PCDH15: variants seen among roughly 807,000 people sequenced by gnomAD.
The protein encoded by PCDH15 is protocadherin related 15.
A neutral mutation model predicts 178.5 loss-of-function variants in PCDH15; 129 were observed. The ratio of observed to expected loss-of-function variants is 0.72; its 90% confidence interval spans 0.63 to 0.84. PCDH15 has a LOEUF of 0.84. Among genes scored for constraint, PCDH15 ranks in the 40% least tolerant of loss-of-function variants. PCDH15 has a pLI of 0.00. For missense variants in PCDH15, 2,230 were observed against 2,099.9 expected (o/e 1.06, Z -1.21); for synonymous variants, 800 against 732.0 (o/e 1.09, Z -1.50).
intron 2 of PCDH15, among the ~76,000 whole-genome samples, chr10:54,955,267 A>G (rs1838454220): frequency 6.6e-6 from 1 of 151,338 alleles, no homozygotes; most frequent in Admixed American, 6.6e-5. Flanking sequence ...ATTTATAGAA[A>G]TAAGAGGAAA....
At chr10:54,149,066 G>A (rs530661336) in intron 14 of PCDH15, among the ~76,000 whole-genome samples, 13 of 152,052 alleles carry the variant, frequency 8.5e-5, no homozygotes, top group African/African-American at 3.1e-4. Context: ...CTATAAACAA[G>A]AAGCTATTTC....
intron 3 of PCDH15, among the ~76,000 whole-genome samples, chr10:54,511,165 C>T (rs1310676069): frequency 6.6e-6 from 1 of 151,968 alleles, no homozygotes; most frequent in African/African-American, 2.4e-5. Flanking sequence ...AATTTTTTTC[C>T]TGTTAAAATT....
At chr10:54,896,033 C>T (rs67923548) in intron 3 of PCDH15, among the ~76,000 whole-genome samples, 34,185 of 151,722 alleles carry the variant, frequency 0.23, 4,543 homozygotes, top group Non-Finnish European at 0.31. Flanking sequence ...ACTAGAGGTG[C>T]GTGTCACCAC....
At chr10:53,950,459 T>C (rs1446805763) in intron 23 of PCDH15, among the ~76,000 whole-genome samples, 3 of 152,150 alleles carry the variant, frequency 2.0e-5, no homozygotes, top group Non-Finnish European at 4.4e-5. Context: ...GGCCTACCTA[T>C]ATAGGTGGCA....
At chr10:54,598,488 C>A (rs147779755) in intron 2 of PCDH15, among the ~76,000 whole-genome samples, 1 of 152,046 alleles carries the variant, frequency 6.6e-6, no homozygotes, top group East Asian at 1.9e-4. Context: ...ATAATAAGAG[C>A]CATATATTGC....
intron 1 of PCDH15, among the ~76,000 whole-genome samples, chr10:54,693,932 T>A (rs1047581917): frequency 6.6e-6 from 1 of 152,070 alleles, no homozygotes; most frequent in Non-Finnish European, 1.5e-5. Context: ...TCTTTTTTTC[T>A]CAACGAAGTA....
intron 26 of PCDH15, among the ~76,000 whole-genome samples, chr10:53,898,335 A>C (rs10763025): frequency 0.64 from 97,206 of 152,048 alleles, 32,264 homozygotes; most frequent in East Asian, 0.87. Flanking sequence ...GTACAAATAC[A>C]TGATCAAGTC....
intron 3 of PCDH15, among the ~76,000 whole-genome samples, chr10:54,891,750 A>G (rs1954465976): frequency 6.6e-6 from 1 of 152,146 alleles, no homozygotes; most frequent in African/African-American, 2.4e-5. Flanking sequence ...GAATTTAGCT[A>G]ATAAGTGGAC....
At chr10:55,588,813 A>C (rs7915291) in intron 2 of PCDH15, among the ~76,000 whole-genome samples, 45,455 of 151,914 alleles carry the variant, frequency 0.3, 7,192 homozygotes, top group East Asian at 0.44. Context: ...AAGGCAAGGA[A>C]CCTCACACCT....
intron 2 of PCDH15, among the ~76,000 whole-genome samples, chr10:54,954,996 A>G (rs1226298829): frequency 6.6e-6 from 1 of 151,306 alleles, no homozygotes; most frequent in Non-Finnish European, 1.5e-5. Flanking sequence ...TAGTTCATAA[A>G]AACCATACAA....
intron 21 of PCDH15, among the ~76,000 whole-genome samples, chr10:53,990,448 T>C (rs1317952753): frequency 6.6e-6 from 1 of 150,640 alleles, no homozygotes; most frequent in African/African-American, 2.4e-5. Flanking sequence ...CATAAATCAG[T>C]ATTAAAGCCT....
intron 1 of PCDH15, among the ~76,000 whole-genome samples, chr10:55,175,183 C>T (rs1018809374): frequency 3.9e-5 from 6 of 152,056 alleles, no homozygotes; most frequent in Non-Finnish European, 8.8e-5. Flanking sequence ...ATGTGCATAG[C>T]GGAGGGCTTA....
chr10:54,694,851 G>C (rs566195907), intron 1 of PCDH15, among the ~76,000 whole-genome samples: 5 of 152,012 alleles, frequency 3.3e-5, no homozygotes, highest in East Asian at 1.9e-4. Flanking sequence ...GGAGTCCCAG[G>C]CCTCTCATTT....
At position 54,730,333 on chromosome 10, in the gene PCDH15, A is replaced by T. The variant is rs146363971; in HGVS notation, c.-28-66043T>A. On this transcript the variant is annotated intron_variant, in intron 1 of 37. Transcript: ENST00000644397. ...AAATGCCATATATTCTCACCTATAC[A>T]TGGGAGCTAAACATTGAGTACACAT... Among the ~76,000 whole-genome samples the T allele has an allele frequency of 4.5e-3, 690 of 151,678 alleles. 8 individuals are homozygous for T. Among genetic ancestry groups the T allele is most frequent in the African/African-American group, 0.015 (636 of 41,514 alleles).
chr10:54,125,906 A>T (rs1042076375), intron 15 of PCDH15, among the ~76,000 whole-genome samples: 1 of 152,060 alleles, frequency 6.6e-6, no homozygotes, highest in Non-Finnish European at 1.5e-5. Context: ...TAAAATAATA[A>T]AGTGGAATTT....
chr10:55,410,436 C>T (rs1391965002), intron 2 of PCDH15, among the ~76,000 whole-genome samples: 1 of 152,016 alleles, frequency 6.6e-6, no homozygotes, highest in Non-Finnish European at 1.5e-5. Context: ...CTCTGGAGTT[C>T]CTGAGACTGG....
At chr10:55,421,738 G>C (rs971559099) in intron 2 of PCDH15, among the ~76,000 whole-genome samples, 14 of 151,614 alleles carry the variant, frequency 9.2e-5, no homozygotes, top group African/African-American at 3.4e-4. Context: ...TGATTTGGTA[G>C]ATAACCTGCT....
In PCDH15 at chr10:55,123,196, T is replaced by C. The variant is rs61442467; in HGVS notation, c.-80+43380A>G. Among the ~76,000 whole-genome samples the C allele has an allele frequency of 9.2e-3, 1,399 of 152,072 alleles. 28 individuals are homozygous for C. Among genetic ancestry groups the C allele is most frequent in the African/African-American group, 0.032 (1,335 of 41,552 alleles). Reference sequence around the variant, plus strand: ...TTCCTGTCTTATATTCTGTGTTATCTAAATTATGAAAAAACATGAATATTA... The same window carrying C: ...TTCCTGTCTTATATTCTGTGTTATCCAAATTATGAAAAAACATGAATATTA... On this transcript the variant is annotated intron_variant, in intron 2 of 5. Transcript: ENST00000458638.
intron 3 of PCDH15, among the ~76,000 whole-genome samples, chr10:54,406,038 T>C (rs961883214): frequency 6.6e-6 from 1 of 152,102 alleles, no homozygotes; most frequent in Non-Finnish European, 1.5e-5. Context: ...TGGAGCCTTA[T>C]AGAACATTGA....
Sources: gnomAD v4.1 joint callset for allele counts (sites outside exome capture counted in the v4.1 genomes callset) on GRCh38, gnomAD v4.1.1 for gene constraint, MANE v1.5 for transcripts, NCBI Gene and HGNC (gene_info 2026-07-23, HGNC 2026-07-21) for gene names.